Variants in KSR2 observed in about 807,000 individuals in gnomAD.
KSR2 encodes kinase suppressor of ras 2.
KSR2 carries 25 observed loss-of-function variants against 107.8 expected under a neutral mutation model. That is an observed-to-expected ratio of 0.23 (90% CI 0.17 to 0.32). KSR2 has a LOEUF of 0.32. Ranked by LOEUF, KSR2 falls within the 10% of genes least tolerant of loss-of-function variation. KSR2 has a pLI of 1.00. For missense variants in KSR2, 887 were observed against 1,268.9 expected (o/e 0.70, Z 4.57); for synonymous variants, 480 against 507.0 (o/e 0.95, Z 0.71).
At chr12:117,493,305 T>C (rs1227769223) in intron 14 of KSR2, among the ~76,000 whole-genome samples, 2 of 152,142 alleles carry the variant, frequency 1.3e-5, no homozygotes, top group East Asian at 1.9e-4. Flanking sequence ...AAATGCACAA[T>C]TGATCAGGTC....
intron 5 of KSR2, among the ~76,000 whole-genome samples, chr12:117,614,848 C>T (rs1172612594): frequency 6.6e-6 from 1 of 152,180 alleles, no homozygotes; most frequent in Non-Finnish European, 1.5e-5. Context: ...TGAGTGTTAT[C>T]TCTCTATTAA....
intron 2 of KSR2, among the ~76,000 whole-genome samples, chr12:117,858,604 G>T (rs1157104881): frequency 6.6e-6 from 1 of 152,178 alleles, no homozygotes; most frequent in Non-Finnish European, 1.5e-5. Flanking sequence ...GGAGCGCCTC[G>T]AGAGAGGACT....
chr12:117,963,796 A>T (rs1896722289), intron 1 of KSR2, among the ~76,000 whole-genome samples: 1 of 151,998 alleles, frequency 6.6e-6, no homozygotes, highest in South Asian at 2.1e-4. Flanking sequence ...TCTGGGCAAA[A>T]TGGTCTCTAG....
At position 117,640,079 on chromosome 12, in the gene KSR2, G is replaced by A. The variant is rs1430282852; in HGVS notation, c.1171+27395C>T. Among the ~76,000 whole-genome samples, 7 of 149,614 alleles carry A rather than the reference G, an allele frequency of 4.7e-5. 1 individual carries two copies. The highest frequency in any genetic ancestry group is 7.4e-5 in the African/African-American group (3 of 40,440). On this transcript the variant is annotated intron_variant, in intron 5 of 19. Coordinates refer to ENST00000339824, the MANE Select transcript of KSR2 (RefSeq NM_173598.6). ...TGCACAGCAAGGGGTGGCAGAGCCCGGCTCCTTGGTGGTATCGAATCCATT... is the reference window on the plus strand; with the variant it reads ...TGCACAGCAAGGGGTGGCAGAGCCCAGCTCCTTGGTGGTATCGAATCCATT...
intron 3 of KSR2, among the ~76,000 whole-genome samples, chr12:117,779,301 T>G (rs115826948): frequency 6.6e-6 from 1 of 152,190 alleles, no homozygotes; most frequent in Admixed American, 6.5e-5. Context: ...CCTGCCAACA[T>G]AACTTCTTGC....
At chr12:117,833,871 C>G (rs968900050) in intron 3 of KSR2, among the ~76,000 whole-genome samples, 3 of 151,968 alleles carry the variant, frequency 2.0e-5, no homozygotes, top group Non-Finnish European at 4.4e-5. Context: ...ACCGGCAACA[C>G]CTGGCGGGGC....
intron 1 of KSR2, among the ~76,000 whole-genome samples, chr12:117,938,159 C>T (rs1895902050): frequency 1.3e-5 from 2 of 152,104 alleles, no homozygotes; most frequent in Non-Finnish European, 2.9e-5. Flanking sequence ...GCTTTAGCAT[C>T]ACGTCACCAG....
intron 4 of KSR2, among the ~76,000 whole-genome samples, chr12:117,690,163 C>T (rs567606247): frequency 6.6e-6 from 1 of 152,264 alleles, no homozygotes; most frequent in East Asian, 1.9e-4. Flanking sequence ...GTTTAGAATA[C>T]CAAGTCCACG....
At chr12:117,805,528 A>G (rs143972675) in intron 3 of KSR2, among the ~76,000 whole-genome samples, 4 of 152,370 alleles carry the variant, frequency 2.6e-5, no homozygotes, top group South Asian at 2.1e-4. Flanking sequence ...ACCAGAGCCC[A>G]TTCAAAAGAG....
Position 117,860,495 on chromosome 12 carries a change from G to A in KSR2, c.181-64C>T, listed in dbSNP as rs1291701427. 61 of 1,491,364 alleles carry A rather than the reference G, an allele frequency of 4.1e-5. No individual in the cohort carries two copies. The East Asian group carries it at 4.1e-4, about 10-fold the overall frequency. 92.4% of individuals were successfully genotyped at this position (1,491,364 alleles called of 1,614,324 possible). A position where few individuals can be genotyped will look rare whatever the true frequency, so the allele number is the denominator to read the frequency against. On this transcript the variant is annotated intron_variant, in intron 1 of 19. Coordinates refer to ENST00000339824, the MANE Select transcript of KSR2 (RefSeq NM_173598.6). The stretch of plus-strand genomic sequence containing the variant: ...AGGCAGTGACACAAGGAAGAGAGGC[G>A]AGAACCCCCTACGAACCCCCACCCT...
intron 4 of KSR2, among the ~76,000 whole-genome samples, chr12:117,715,378 A>AAACTCAGT (rs879282260): frequency 5.9e-5 from 9 of 152,210 alleles, no homozygotes; most frequent in Non-Finnish European, 1.2e-4. Flanking sequence ...CCCACAGAGG[A>AAACTCAGT]AACTCAGTCC....
intron 12 of KSR2, among the ~76,000 whole-genome samples, 193 bp from the exon 13 acceptor site, chr12:117,527,312 C>A (rs865873093): frequency 1.1e-5 from 1 of 87,434 alleles, no homozygotes; most frequent in African/African-American, 4.5e-5. Flanking sequence ...GACACACACA[C>A]ACACACACAC....
Position 117,525,267 on chromosome 12 carries a change from C to T in KSR2, c.1852-48G>A, listed in dbSNP as rs1476248681. 2.6e-6 allele frequency: 4 copies of T among 1,517,440 alleles called. No individual in the cohort carries two copies. The East Asian group carries it at 9.4e-5, about 36-fold the overall frequency. 94.0% of individuals were successfully genotyped at this position (1,517,440 alleles called of 1,614,324 possible). On this transcript the variant is annotated intron_variant, in intron 13 of 19. Coordinates refer to ENST00000339824, the MANE Select transcript of KSR2 (RefSeq NM_173598.6). ...GTCAGAATTGTGTCTGCCACTGCCC[C>T]AGCCTCCCTCATGGTCCTGCTGGGT...
chr12:117,608,486 C>T (rs1881413216), intron 5 of KSR2, among the ~76,000 whole-genome samples: 2 of 152,182 alleles, frequency 1.3e-5, no homozygotes, highest in African/African-American at 4.8e-5. Flanking sequence ...GAATGCAGGG[C>T]TTTGCAGCTG....
At chr12:117,716,377 T>C (rs1047180060) in intron 4 of KSR2, among the ~76,000 whole-genome samples, 16 of 152,202 alleles carry the variant, frequency 1.1e-4, no homozygotes, top group Non-Finnish European at 1.5e-4. Context: ...ACTGGCCACA[T>C]GTGGCTAGAG....
chr12:117,966,960 A>G (rs1000111823), intron 1 of KSR2, among the ~76,000 whole-genome samples: 4 of 152,008 alleles, frequency 2.6e-5, no homozygotes, highest in African/African-American at 4.8e-5. Context: ...TCTCAGCCCC[A>G]CTGCCCCCAC....
chr12:117,551,377 A>C (rs1454156712), intron 9 of KSR2, among the ~76,000 whole-genome samples: 1 of 152,018 alleles, frequency 6.6e-6, no homozygotes, highest in African/African-American at 2.4e-5. Flanking sequence ...CTGAGTATTC[A>C]GAATTTGACT....
chr12:117,604,990 G>A (rs1480356373), intron 5 of KSR2, among the ~76,000 whole-genome samples: 1 of 152,124 alleles, frequency 6.6e-6, no homozygotes, highest in African/African-American at 2.4e-5. Flanking sequence ...AACTAATTCA[G>A]GGGAAAAATG....
At chr12:117,893,930 G>C (rs1346219104) in intron 1 of KSR2, among the ~76,000 whole-genome samples, 1 of 126,352 alleles carries the variant, frequency 7.9e-6, no homozygotes, top group Non-Finnish European at 1.7e-5. Context: ...TTTTTTTTGA[G>C]ACGGAGTCTC....
Sources: gnomAD v4.1 joint callset for allele counts (sites outside exome capture counted in the v4.1 genomes callset) on GRCh38, gnomAD v4.1.1 for gene constraint, MANE v1.5 for transcripts, NCBI Gene and HGNC (gene_info 2026-07-23, HGNC 2026-07-21) for gene names.